C8orf34: variants seen among roughly 807,000 people sequenced by gnomAD.
C8orf34 encodes the protein chromosome 8 open reading frame 34, also known as uncharacterized protein C8orf34.
A neutral mutation model predicts 68.3 loss-of-function variants in C8orf34; 65 were observed. That is an observed-to-expected ratio of 0.95 (90% CI 0.78 to 1.17). The LOEUF (loss-of-function observed/expected upper bound fraction) is 1.17. Ranked by LOEUF, C8orf34 falls within the 50% of genes most tolerant of loss-of-function variation. The probability of loss-of-function intolerance (pLI) is 0.00; values close to 1 mark genes in which losing one functional copy is unlikely to be tolerated. For missense variants in C8orf34, 664 were observed against 655.4 expected (o/e 1.01, Z -0.14); for synonymous variants, 244 against 241.2 (o/e 1.01, Z -0.11).
At chr8:68,456,079 A>G (rs1811536555) in intron 3 of C8orf34, among the ~76,000 whole-genome samples, 1 of 148,434 alleles carries the variant, frequency 6.7e-6, no homozygotes, top group Admixed American at 6.8e-5. Context: ...CACAGCCTCT[A>G]CTAAAAATCC....
rs868703353 is a variant in C8orf34, at chr8:68,690,912, A to G, written c.1242-18082A>G. On this transcript the variant is annotated intron_variant, in intron 8 of 13. Transcript: ENST00000518698. The stretch of plus-strand genomic sequence containing the variant: ...AGGCCTGTTTGTATAGAACTCTCTC[A>G]GTCTCAAATTCCCAGCCTTGATAAG... Among the ~76,000 whole-genome samples, 8 of 152,206 alleles carry G rather than the reference A, an allele frequency of 5.3e-5. No individual in the cohort carries two copies. The South Asian group carries it at 6.2e-4, about 12-fold the overall frequency.
intron 8 of C8orf34, among the ~76,000 whole-genome samples, chr8:68,656,426 A>T (rs1319505985): frequency 6.6e-6 from 1 of 152,212 alleles, no homozygotes; most frequent in East Asian, 1.9e-4. Flanking sequence ...AATAATGTCT[A>T]CATACAGGTA....
chr8:68,687,981 A>G (rs900554641), intron 8 of C8orf34, among the ~76,000 whole-genome samples: 2 of 152,174 alleles, frequency 1.3e-5, no homozygotes, highest in African/African-American at 4.8e-5. Context: ...ACAGGAATAG[A>G]CATTTCTCAA....
intron 1 of C8orf34, among the ~76,000 whole-genome samples, chr8:68,366,518 C>T (rs1807264269): frequency 6.7e-6 from 1 of 150,250 alleles, no homozygotes; most frequent in Non-Finnish European, 1.5e-5. Context: ...CTACAGTAAC[C>T]AAAACAGCAT....
Position 68,640,508 on chromosome 8 carries a change from C to A in C8orf34, c.1238C>A (p.Ala413Asp). ...KVTLNICSRC[A>D]RLQGDNLEER... ...ACACTGAACATCTGTTCAAGGTGTGCCAGGTAAAAGACATAATAGGTATAG... is the reference window on the plus strand; with the variant it reads ...ACACTGAACATCTGTTCAAGGTGTGACAGGTAAAAGACATAATAGGTATAG... The change falls in exon 8 of 14, where the codon GCC becomes GAC. Residue 413 changes from alanine to aspartate, a missense_variant. Transcript: ENST00000518698. 1 of 1,612,670 alleles carries A rather than the reference C, an allele frequency of 6.2e-7. No individual in the cohort carries two copies. Among genetic ancestry groups the A allele is most frequent in the Middle Eastern group, 1.7e-4 (1 of 6,048 alleles).
rs1338896780 is a variant in C8orf34 at position 68,468,803 on chromosome 8, T to C, written c.719T>C (p.Leu240Pro). 6.2e-7 allele frequency: 1 copy of C among 1,610,788 alleles called. No individual in the cohort carries two copies. The highest frequency in any genetic ancestry group is 2.2e-5 in the East Asian group (1 of 44,806). The change falls in exon 4 of 14, where the codon CTT (leucine) becomes CCT (proline). Residue 240 changes from leucine to proline, a missense_variant. Physicochemically the swap from Leu to Pro is moderately conservative, Grantham distance 98 (BLOSUM62 -3). Coordinates refer to ENST00000518698, the MANE Select transcript of C8orf34 (RefSeq NM_052958.4). ...GAGAGCAAGAAGCTGGGGAAAGCCC[T>C]TGAGAATCTCTCTCGAAGTAAGTTC... ...LQESKKLGKALENLSRSIAIS... is the reference protein window; with the variant it reads ...LQESKKLGKAPENLSRSIAIS...
chr8:68,366,765 T>G (rs1296957778), intron 1 of C8orf34, among the ~76,000 whole-genome samples: 1 of 145,240 alleles, frequency 6.9e-6, no homozygotes, highest in Non-Finnish European at 1.5e-5. Flanking sequence ...GATTAAAGAT[T>G]TAAACGTTAG....
chr8:68,345,519 T>C (rs910734633), intron 1 of C8orf34, among the ~76,000 whole-genome samples: 1 of 151,994 alleles, frequency 6.6e-6, no homozygotes, highest in African/African-American at 2.4e-5. Flanking sequence ...AACCAATTTA[T>C]AGGCCTGACA....
At chr8:68,722,736 C>T (rs1267154179) in intron 10 of C8orf34, among the ~76,000 whole-genome samples, 1 of 151,884 alleles carries the variant, frequency 6.6e-6, no homozygotes, top group Non-Finnish European at 1.5e-5. Flanking sequence ...TTTTTCACTT[C>T]CACATCTCTA....
At chr8:68,377,354 T>C (rs1379019392) in intron 1 of C8orf34, among the ~76,000 whole-genome samples, 1 of 151,980 alleles carries the variant, frequency 6.6e-6, no homozygotes, top group Non-Finnish European at 1.5e-5. Context: ...GCCATATTCA[T>C]GCCACTGCAC....
chr8:68,588,106 C>T (rs780419507), intron 7 of C8orf34, among the ~76,000 whole-genome samples: 4 of 152,062 alleles, frequency 2.6e-5, no homozygotes, highest in Admixed American at 6.6e-5. Flanking sequence ...GTACTAATAG[C>T]CTTTACATGT....
At chr8:68,408,573 A>G (rs931701228) in intron 1 of C8orf34, among the ~76,000 whole-genome samples, 1 of 151,986 alleles carries the variant, frequency 6.6e-6, no homozygotes, top group Non-Finnish European at 1.5e-5. Flanking sequence ...CACTCATACA[A>G]CTTTTCCTCA....
intron 5 of C8orf34, among the ~76,000 whole-genome samples, chr8:68,503,063 A>C (rs1334868053): frequency 6.6e-6 from 1 of 152,200 alleles, no homozygotes; most frequent in African/African-American, 2.4e-5. Context: ...AAAGCATAAG[A>C]GAAAAATGGA....
At chr8:68,786,303 C>T (rs1298551055) in intron 11 of C8orf34, among the ~76,000 whole-genome samples, 2 of 152,156 alleles carry the variant, frequency 1.3e-5, no homozygotes, top group Admixed American at 6.5e-5. Context: ...TTCGTCCTCT[C>T]CTTTCTTTTC....
At chr8:68,816,186 C>T (rs1458132526) in intron 13 of C8orf34, among the ~76,000 whole-genome samples, 1 of 150,592 alleles carries the variant, frequency 6.6e-6, no homozygotes, top group African/African-American at 2.4e-5. Flanking sequence ...TTGGAGTTCT[C>T]ATTTAGTCTG....
At chr8:68,755,822 G>T (rs1361328981) in intron 10 of C8orf34, among the ~76,000 whole-genome samples, 14 of 152,034 alleles carry the variant, frequency 9.2e-5, no homozygotes, top group Admixed American at 7.9e-4. Flanking sequence ...AGCACTTTGG[G>T]AGGCCGAAGC....
Position 68,640,441 on chromosome 8 carries a change from C to A in C8orf34, c.1171C>A (p.Gln391Lys), listed in dbSNP as rs772350145. 6.2e-7 allele frequency: 1 copy of A among 1,613,756 alleles called. No homozygotes were observed. Among genetic ancestry groups the A allele is most frequent in the South Asian group, 1.1e-5 (1 of 91,066 alleles). Reference sequence around the variant, plus strand: ...GGTACCTTCTGGGAGCAAATTTAACCAAGGCCGTCCTACTTACCCTGCTGA... The same window carrying A: ...GGTACCTTCTGGGAGCAAATTTAACAAAGGCCGTCCTACTTACCCTGCTGA... ...TLVPSGSKFN[Q>K]GRPTYPAEPQ... Residue 391 changes from glutamine to lysine, a missense_variant, in exon 8 of 14, where the codon CAA becomes AAA. Gln to Lys is a moderately conservative substitution (Grantham distance 53). Coordinates refer to ENST00000518698, the MANE Select transcript of C8orf34 (RefSeq NM_052958.4).
At chr8:68,419,381 G>A (rs898747993) in intron 1 of C8orf34, among the ~76,000 whole-genome samples, 4 of 149,046 alleles carry the variant, frequency 2.7e-5, no homozygotes, top group African/African-American at 7.7e-5. Context: ...CTGTTGGTGG[G>A]ACTCTAAACT....
At chr8:68,539,046 T>C (rs1815598799) in intron 7 of C8orf34, among the ~76,000 whole-genome samples, 1 of 152,168 alleles carries the variant, frequency 6.6e-6, no homozygotes, top group African/African-American at 2.4e-5. Context: ...TCTTAAAAAT[T>C]TCTTGAATTA....
Sources: allele counts gnomAD v4.1 joint callset (sites outside exome capture counted in the v4.1 genomes callset), GRCh38; gene constraint gnomAD v4.1.1; transcripts MANE v1.5; gene names NCBI Gene and HGNC (gene_info 2026-07-23, HGNC 2026-07-21).